ADAD2: variants seen among roughly 807,000 people sequenced by gnomAD.
The protein encoded by ADAD2 is adenosine deaminase domain containing 2.
In ADAD2, 60 loss-of-function variants were observed where a neutral mutation model predicts 54.5. The observed-to-expected ratio is 1.10, with a 90% confidence interval of 0.89 to 1.36. ADAD2 has a LOEUF of 1.36. Ranked by LOEUF, ADAD2 falls within the 40% of genes most tolerant of loss-of-function variation. ADAD2 has a pLI of 0.00. For missense variants in ADAD2, 1,103 were observed against 801.3 expected (o/e 1.38, Z -4.54); for synonymous variants, 543 against 366.2 (o/e 1.48, Z -5.51).
chr16:84,191,688 G>C, intron 1 of ADAD2, 40 bp downstream of exon 1: 1 of 1,545,890 alleles, frequency 6.5e-7, no homozygotes, highest in Non-Finnish European at 8.7e-7. Context: ...AGAGGGCAGA[G>C]CCACGGAGGG....
intron 2 of ADAD2, 74 bp from the exon 3 acceptor site, chr16:84,194,859 G>A (rs898350263): frequency 9.4e-6 from 14 of 1,490,034 alleles, no homozygotes; most frequent in South Asian, 5.2e-5. Context: ...TCCTCTCCCC[G>A]CCTCCTTGGC....
Position 84,194,501 on chromosome 16 carries a change from A to G in ADAD2, c.478A>G (p.Thr160Ala). 2 of 1,612,370 alleles carry G rather than the reference A, an allele frequency of 1.2e-6. No individual in the cohort carries two copies. Among genetic ancestry groups the G allele is most frequent in the Non-Finnish European group, 1.7e-6 (2 of 1,179,720 alleles). ...ELDGVVCPAG[T>A]ANSKTEAKQQ... is the part of the protein sequence containing the mutation. Reference sequence around the variant, plus strand: ...GGATGGGGTGGTCTGCCCTGCGGGCACTGCGAATAGCAAGACGGAGGCCAA... The same window carrying G: ...GGATGGGGTGGTCTGCCCTGCGGGCGCTGCGAATAGCAAGACGGAGGCCAA... The change falls in exon 2 of 10, where the codon ACT (threonine) becomes GCT (alanine). Residue 160 changes from threonine (T) to alanine (A), a missense_variant. Physicochemically the swap from Thr to Ala is moderately conservative, Grantham distance 58. Transcript: ENST00000315906.
In ADAD2 at chr16:84,194,107, C is replaced by T. The variant is rs78344060; in HGVS notation, c.419-335C>T. ...AGCCTTCCTCCTGAGAACAGGGTGG[C>T]GTGGGCTCTGGAGAGGGGACCTGGA... On this transcript the variant is annotated intron_variant, in intron 1 of 9. Transcript: ENST00000315906. The T allele has an allele frequency of 0.024, 38,524 of 1,614,024 alleles. 583 individuals carry two copies. The highest frequency in any genetic ancestry group is 0.066 in the East Asian group (2,964 of 44,878).
chr16:84,191,967 T>C, intron 1 of ADAD2: 1 of 480,370 alleles, frequency 2.1e-6, no homozygotes, highest in East Asian at 4.0e-5. Flanking sequence ...TTACATGCAA[T>C]TTAAGTTGCC....
At position 84,195,316 on chromosome 16, in the gene ADAD2, C is replaced by T. The variant is rs1034735584; in HGVS notation, c.754C>T (p.His252Tyr). ...LEREIPRARG[H>Y]VKEIYKLVAL... is the part of the protein sequence containing the mutation. Reference sequence around the variant, plus strand: ...CACAGAGATCCCGCGTGCCAGGGGCCACGTGAAGGAGATCTACAAGCTGGT... The same window carrying T: ...CACAGAGATCCCGCGTGCCAGGGGCTACGTGAAGGAGATCTACAAGCTGGT... Residue 252 changes from histidine to tyrosine, a missense_variant, in exon 5 of 10, where the codon CAC becomes TAC. Physicochemically the swap from His to Tyr is moderately conservative, Grantham distance 83. Transcript: ENST00000315906. 6.2e-7 allele frequency: 1 copy of T among 1,610,820 alleles called. No homozygotes were observed. Among genetic ancestry groups the T allele is most frequent in the African/African-American group, 1.3e-5 (1 of 74,768 alleles).
rs372481052 is a variant in ADAD2, at chr16:84,191,415, C to T, written c.185C>T (p.Ser62Leu). ...GCGGAGGGCGGGTGGCCCCAGGTCT[C>T]GGTGTTGAGGGACAGTGGGCCTGGG... ...YRAEGGWPQV[S>L]VLRDSGPGAG... Residue 62 changes from serine to leucine, a missense_variant, in exon 1 of 10, where the codon TCG becomes TTG. By Grantham distance (145) the Ser-to-Leu change is moderately radical. Transcript: ENST00000315906. 6.4e-4 allele frequency: 953 copies of T among 1,495,338 alleles called. No homozygotes were observed. The highest frequency in any genetic ancestry group is 8.0e-4 in the Non-Finnish European group (904 of 1,125,914). 92.6% of individuals were successfully genotyped at this position (1,495,338 alleles called of 1,614,324 possible). A position where few individuals can be genotyped will look rare whatever the true frequency, so the allele number is the denominator to read the frequency against.
In ADAD2 at chr16:84,194,296, G is replaced by C; in HGVS notation, c.419-146G>C. ...AAGGGTGTGCGCGGCATGGGGTGGC[G>C]ATGGAGCCTGCTGGAGGAAGGGAAG... On this transcript the variant is annotated intron_variant, in intron 1 of 9. Transcript: ENST00000315906. 1.9e-6 allele frequency: 3 copies of C among 1,547,806 alleles called. No individual in the cohort carries two copies. In the South Asian group the frequency reaches 3.6e-5, roughly 18 times the overall value.
In ADAD2 at chr16:84,196,530, GC is replaced by G. The variant is rs1172596798; in HGVS notation, c.1527-114del. The G allele has an allele frequency of 3.2e-6, 5 of 1,552,668 alleles. No homozygotes were observed. In the African/African-American group the frequency reaches 6.8e-5, roughly 21 times the overall value. On this transcript the variant is annotated intron_variant, in intron 8 of 9. Transcript: ENST00000315906. ...CGTAGTGGTGGCCACACCTCTGTCTGCCCTGTGAGTCCTGTGACATTGTCAC... is the reference window on the plus strand; with the variant it reads ...CGTAGTGGTGGCCACACCTCTGTCTGCCTGTGAGTCCTGTGACATTGTCAC...
chr16:84,195,385 T>G lies in ADAD2; in HGVS notation c.823T>G (p.Phe275Val), dbSNP rs1424846176. The change falls in exon 5 of 10, where the codon TTC (phenylalanine) becomes GTC (valine). Residue 275 changes from phenylalanine (F) to valine (V), a missense_variant. Transcript: ENST00000315906. ...GSSCCAGWLE[F>V]SGQQLHDCHG... ...CAGCTGCTGTGCTGGCTGGCTGGAG[T>G]TCTCGGGCCAGCAGCTCCACGACTG... The G allele has an allele frequency of 1.2e-5, 20 of 1,608,404 alleles. No individual in the cohort carries two copies. The highest frequency in any genetic ancestry group is 1.7e-5 in the Non-Finnish European group (20 of 1,179,306).
Position 84,194,557 on chromosome 16 carries a change from C to T in ADAD2, c.534C>T (p.Tyr178=), listed in dbSNP as rs770842573. The stretch of plus-strand genomic sequence containing the variant: ...AGGCAGCGCTCTCTGCCCTCTGCTA[C>T]ATCCGGAGTCAGCTGGAGAACCCAG... ...KQQAALSALC[Y]IRSQLENPES... is the part of the protein sequence containing the mutation. Residue 178 remains tyrosine (Y), a synonymous_variant, in exon 2 of 10, where the codon TAC becomes TAT. Coordinates refer to ENST00000315906, the MANE Select transcript of ADAD2 (RefSeq NM_001145400.2). 1 of 1,607,488 alleles carries T rather than the reference C, an allele frequency of 6.2e-7. No homozygotes were observed. Among genetic ancestry groups the T allele is most frequent in the Non-Finnish European group, 8.5e-7 (1 of 1,177,148 alleles).
intron 1 of ADAD2, 141 bp downstream of exon 1, chr16:84,191,789 G>C: frequency 7.7e-7 from 1 of 1,299,978 alleles, no homozygotes; most frequent in Non-Finnish European, 1.1e-6. Flanking sequence ...GACCTGGCCT[G>C]AGCTTGGGAC....
Position 84,191,516 on chromosome 16 carries a change from A to C in ADAD2, c.286A>C (p.Arg96=). The part of the protein sequence containing the change: ...NLGEQMGKAP[R]VPVPPAGLSL... ...GGGGGAACAGATGGGGAAGGCCCCG[A>C]GGGTCCCTGTGCCCCCAGCAGGGCT... Residue 96 remains arginine, a synonymous_variant, in exon 1 of 10, where the codon AGG becomes CGG. Coordinates refer to ENST00000315906, the MANE Select transcript of ADAD2 (RefSeq NM_001145400.2). 6.5e-7 allele frequency: 1 copy of C among 1,545,236 alleles called. No individual in the cohort carries two copies. Among genetic ancestry groups the C allele is most frequent in the Non-Finnish European group, 8.7e-7 (1 of 1,146,468 alleles).
In ADAD2 at chr16:84,194,930, C is replaced by G; in HGVS notation, c.560-3C>G. The G allele has an allele frequency of 1.2e-6, 2 of 1,605,514 alleles. No homozygotes were observed. Among genetic ancestry groups the G allele is most frequent in the East Asian group, 4.5e-5 (2 of 44,866 alleles). On this transcript the variant is annotated splice_polypyrimidine_tract_variant and splice_region_variant and intron_variant, in intron 2 of 9. Transcript: ENST00000315906. ...ACCAGCCCGCCCTCCTTGCCTCTTT[C>G]AGAGTCCCCCCAGACCTCCAGCCGG...
At chr16:84,192,471 A>AT (rs2089668271) in intron 1 of ADAD2, 1 of 152,344 alleles carries the variant, frequency 6.6e-6, no homozygotes, top group South Asian at 2.1e-4. Context: ...TTAAAAGTTA[A>AT]TTGCAGACAT....
chr16:84,194,742 CGGGGT>C, intron 2 of ADAD2, 160 bp downstream of exon 2: 2 of 1,360,470 alleles, frequency 1.5e-6, no homozygotes, highest in Non-Finnish European at 1.0e-6. Context: ...GGAGCTGGGG[CGGGGT>C]ACATGTGCCG....
At position 84,196,725 on chromosome 16, in the gene ADAD2, G is replaced by T; in HGVS notation, c.1605G>T (p.Gly535=). 6.2e-7 allele frequency: 1 copy of T among 1,613,046 alleles called. No individual in the cohort carries two copies. Among genetic ancestry groups the T allele is most frequent in the Non-Finnish European group, 8.5e-7 (1 of 1,179,960 alleles). The change falls in exon 9 of 10, where the codon GGG becomes GGT. Residue 535 remains glycine, a synonymous_variant. Transcript: ENST00000315906. ...RAFHQAARAV[G]KPYLLALKTY... is the part of the protein sequence containing the mutation. The stretch of plus-strand genomic sequence containing the variant: ...TTCACCAGGCGGCCAGGGCTGTGGG[G>T]AAGCCCTACCTCCTGGCCTTGAAGA...
rs749697417 is a variant in ADAD2 at position 84,196,704 on chromosome 16, C to G, written c.1584C>G (p.His528Gln). The G allele has an allele frequency of 6.2e-7, 1 of 1,613,312 alleles. No homozygotes were observed. Among genetic ancestry groups the G allele is most frequent in the Non-Finnish European group, 8.5e-7 (1 of 1,180,000 alleles). The change falls in exon 9 of 10, where the codon CAC (histidine) becomes CAG (glutamine). Residue 528 changes from histidine to glutamine, a missense_variant. By Grantham distance (24) the His-to-Gln change is conservative. Coordinates refer to ENST00000315906, the MANE Select transcript of ADAD2 (RefSeq NM_001145400.2). ...LCKASFLRAF[H>Q]QAARAVGKPY... is the part of the protein sequence containing the mutation. ...AGGCCTCCTTTCTCCGGGCCTTTCA[C>G]CAGGCGGCCAGGGCTGTGGGGAAGC...
Position 84,195,605 on chromosome 16 carries a change from G to A in ADAD2, c.960G>A (p.Gln320=). ...AGGAGCAGTCCGTGCTGGCCCCCCA[G>A]CCAGGGCCCGGACCCCCATTCACCC... ...KGKEQSVLAP[Q]PGPGPPFTLK... The change falls in exon 6 of 10, where the codon CAG becomes CAA. Residue 320 remains glutamine, a synonymous_variant. Coordinates refer to ENST00000315906, the MANE Select transcript of ADAD2 (RefSeq NM_001145400.2). 1 of 1,605,008 alleles carries A rather than the reference G, an allele frequency of 6.2e-7. No homozygotes were observed. The highest frequency in any genetic ancestry group is 8.5e-7 in the Non-Finnish European group (1 of 1,176,110).
At position 84,196,640 on chromosome 16, in the gene ADAD2, C is replaced by T. The variant is rs2089734652; in HGVS notation, c.1527-7C>T. 2 of 1,612,560 alleles carry T rather than the reference C, an allele frequency of 1.2e-6. No homozygotes were observed. Among genetic ancestry groups the T allele is most frequent in the African/African-American group, 2.7e-5 (2 of 74,886 alleles). On this transcript the variant is annotated splice_region_variant and splice_polypyrimidine_tract_variant and intron_variant, in intron 8 of 9. Coordinates refer to ENST00000315906, the MANE Select transcript of ADAD2 (RefSeq NM_001145400.2). ...TCTGATCTCAGTGGTATCCTCTCTTCATCCAGTGCCGCCCTGGGGCCTCCC... is the reference window on the plus strand; with the variant it reads ...TCTGATCTCAGTGGTATCCTCTCTTTATCCAGTGCCGCCCTGGGGCCTCCC...
Sources: allele counts gnomAD v4.1 joint callset, GRCh38; gene constraint gnomAD v4.1.1; transcripts MANE v1.5; gene names NCBI Gene and HGNC (gene_info 2026-07-23, HGNC 2026-07-21).